Variants in RAB2A observed in about 807,000 individuals in gnomAD.
The protein encoded by RAB2A is RAB2A, member RAS oncogene family, also known as ras-related protein Rab-2A.
In RAB2A, 7 loss-of-function variants were observed where a neutral mutation model predicts 32.5. That is an observed-to-expected ratio of 0.22 (90% CI 0.12 to 0.40). The LOEUF (loss-of-function observed/expected upper bound fraction) is 0.40. Among genes scored for constraint, RAB2A ranks in the 10% least tolerant of loss-of-function variants. RAB2A has a pLI of 1.00. For missense variants in RAB2A, 108 were observed against 260.7 expected, an observed-to-expected ratio of 0.41 and a Z score of 4.03; for synonymous variants, 79 against 85.2, an observed-to-expected ratio of 0.93 and a Z score of 0.40.
chr8:60,519,337 C>T (rs1186197184), intron 1 of RAB2A, among the ~76,000 whole-genome samples: 2 of 149,044 alleles, frequency 1.3e-5, no homozygotes, highest in Non-Finnish European at 2.9e-5. Flanking sequence ...CCCGCTATTC[C>T]CCACCTTGCT....
At chr8:60,600,928 C>T (rs2150432665) in intron 6 of RAB2A, among the ~76,000 whole-genome samples, 1 of 152,352 alleles carries the variant, frequency 6.6e-6, no homozygotes, top group East Asian at 1.9e-4. Flanking sequence ...TGGGGGGAAA[C>T]TACATAAATG....
At position 60,622,506 on chromosome 8, in the gene RAB2A, AC is replaced by A. The variant is rs907262777; in HGVS notation, c.*1738del. ...TGGCTGTATCAAATTCACTGGTCTT[AC>A]TAATCACTGTCTTTACCAGTGAGTA... On this transcript the variant is annotated 3_prime_UTR_variant, in exon 8 of 8. Coordinates refer to ENST00000262646, the MANE Select transcript of RAB2A (RefSeq NM_002865.3). 3 of 152,160 alleles carry A rather than the reference AC, an allele frequency of 2.0e-5. No individual in the cohort carries two copies. The highest frequency in any genetic ancestry group is 7.2e-5 in the African/African-American group (3 of 41,442). The allele number at this position is 152,160 out of a possible 1,614,324, so 9.4% of individuals were successfully genotyped here. A position where few individuals can be genotyped will look rare whatever the true frequency, so the allele number is the denominator to read the frequency against.
At chr8:60,568,540 C>A (rs933171836) in intron 2 of RAB2A, among the ~76,000 whole-genome samples, 2 of 151,994 alleles carry the variant, frequency 1.3e-5, no homozygotes, top group African/African-American at 4.8e-5. Context: ...ATTATGAATA[C>A]CATTTTACAG....
intron 7 of RAB2A, among the ~76,000 whole-genome samples, chr8:60,620,243 A>G (rs1035530866): frequency 1.3e-5 from 2 of 152,276 alleles, no homozygotes; most frequent in East Asian, 3.8e-4. Context: ...TTGATGACAC[A>G]GAACACTCAT....
intron 6 of RAB2A, among the ~76,000 whole-genome samples, chr8:60,609,136 C>G (rs1020117111): frequency 1.3e-5 from 2 of 152,052 alleles, no homozygotes; most frequent in African/African-American, 4.8e-5. Flanking sequence ...ATTGCCAACC[C>G]CTCACACCAT....
chr8:60,547,852 T>C (rs10110546), intron 1 of RAB2A, among the ~76,000 whole-genome samples: 32,094 of 69,882 alleles, frequency 0.46, 6,223 homozygotes, highest in African/African-American at 0.58. Context: ...ACCTCCCTCC[T>C]GGACGGGGCG....
At chr8:60,542,283 A>T (rs1310370502) in intron 1 of RAB2A, among the ~76,000 whole-genome samples, 1 of 152,216 alleles carries the variant, frequency 6.6e-6, no homozygotes. Context: ...TGGGAGACCA[A>T]GTCAGGCAGA....
chr8:60,609,897 T>G (rs1470923206), intron 6 of RAB2A, among the ~76,000 whole-genome samples: 2 of 149,930 alleles, frequency 1.3e-5, no homozygotes, highest in Admixed American at 1.3e-4. Flanking sequence ...AGGGCAAGGC[T>G]TCAGTGAGCT....
intron 2 of RAB2A, among the ~76,000 whole-genome samples, chr8:60,568,390 G>A (rs1808147816): frequency 2.6e-5 from 4 of 152,146 alleles, no homozygotes; most frequent in Admixed American, 2.0e-4. Flanking sequence ...TAGTCATGCG[G>A]ATGGTAGTTT....
At chr8:60,549,271 T>C (rs1009246293) in intron 1 of RAB2A, among the ~76,000 whole-genome samples, 4 of 152,192 alleles carry the variant, frequency 2.6e-5, no homozygotes, top group East Asian at 1.9e-4. Flanking sequence ...CTTGGCACTT[T>C]GGGAGGCCAA....
chr8:60,620,775 T>C lies in RAB2A; in HGVS notation c.*6T>C, dbSNP rs1382131157. On this transcript the variant is annotated 3_prime_UTR_variant, in exon 8 of 8. Transcript: ENST00000262646. ...CTGGGGGCGGCTGCTGTTGAGTCTG[T>C]TTTTACTGTCTAGCTGCCCAACGGG... The C allele has an allele frequency of 1.9e-6, 3 of 1,611,626 alleles. No individual in the cohort carries two copies. The East Asian group carries it at 6.7e-5, about 36-fold the overall frequency.
At chr8:60,583,358 A>C (rs1803793928) in intron 3 of RAB2A, among the ~76,000 whole-genome samples, 1 of 152,194 alleles carries the variant, frequency 6.6e-6, no homozygotes, top group African/African-American at 2.4e-5. Flanking sequence ...TCTCGGTTTT[A>C]AACTCAGACA....
chr8:60,548,807 CGGGCGGG>C (rs1807791759), intron 1 of RAB2A, among the ~76,000 whole-genome samples: 1 of 146,512 alleles, frequency 6.8e-6, no homozygotes, highest in Non-Finnish European at 1.5e-5. Context: ...GGCGGCTGGC[CGGGCGGG>C]GGGCTGACCC....
At chr8:60,555,417 A>G (rs1044681671) in intron 1 of RAB2A, among the ~76,000 whole-genome samples, 16 of 150,818 alleles carry the variant, frequency 1.1e-4, no homozygotes, top group African/African-American at 4.0e-4. Context: ...CAGCAAAGGA[A>G]ACAATCAATA....
intron 3 of RAB2A, among the ~76,000 whole-genome samples, chr8:60,572,437 A>G (rs958375913): frequency 5.3e-5 from 8 of 152,250 alleles, no homozygotes; most frequent in African/African-American, 7.2e-5. Flanking sequence ...AAATAAGAAT[A>G]TCAATATTAT....
At chr8:60,521,046 G>A (rs1807294406) in intron 1 of RAB2A, among the ~76,000 whole-genome samples, 1 of 152,114 alleles carries the variant, frequency 6.6e-6, no homozygotes, top group African/African-American at 2.4e-5. Context: ...AAACTCCTGG[G>A]CTTAAGCCAT....
At chr8:60,608,561 T>TCTC (rs1442598763) in intron 6 of RAB2A, among the ~76,000 whole-genome samples, 8 of 146,510 alleles carry the variant, frequency 5.5e-5, no homozygotes, top group South Asian at 2.2e-4. Context: ...CTCTCTCTCC[T>TCTC]TCTCCTTCTC....
intron 1 of RAB2A, among the ~76,000 whole-genome samples, chr8:60,550,390 CTT>C (rs879508044): frequency 3.4e-5 from 5 of 145,054 alleles, no homozygotes; most frequent in Admixed American, 6.9e-5. Flanking sequence ...TTTTTTTTGT[CTT>C]TTTTTTTTTT....
intron 3 of RAB2A, among the ~76,000 whole-genome samples, chr8:60,578,271 A>G (rs1027937019): frequency 6.6e-6 from 1 of 152,246 alleles, no homozygotes; most frequent in Admixed American, 6.5e-5. Context: ...GAAAAAAGAT[A>G]AGCATTTGAG....
Sources: allele counts gnomAD v4.1 joint callset (sites outside exome capture counted in the v4.1 genomes callset), GRCh38; gene constraint gnomAD v4.1.1; transcripts MANE v1.5; gene names NCBI Gene and HGNC (gene_info 2026-07-23, HGNC 2026-07-21).